The following PRDM6 variants were observed in gnomAD, a reference collection of about 807,000 sequenced individuals.
PRDM6 encodes PR/SET domain 6.
Under a neutral mutation model 60.8 loss-of-function variants are expected in PRDM6, and 25 were observed. That is an observed-to-expected ratio of 0.41 (90% confidence interval 0.30 to 0.57). The LOEUF (loss-of-function observed/expected upper bound fraction) is 0.57, where lower values mean the gene tolerates loss of function less well. Among genes scored for constraint, PRDM6 ranks in the 20% least tolerant of loss-of-function variants. The pLI is 0.27. For missense variants in PRDM6, 839 were observed against 821.3 expected, an observed-to-expected ratio of 1.02 and a Z score of -0.26; for synonymous variants, 407 against 357.4, an observed-to-expected ratio of 1.14 and a Z score of -1.57.
intron 3 of PRDM6, among the ~76,000 whole-genome samples, chr5:123,137,785 T>TA (rs1401533965): frequency 2.8e-5 from 2 of 70,530 alleles, no homozygotes; most frequent in Non-Finnish European, 6.7e-5. Context: ...ATTTAAAGTA[T>TA]AATAAAAATA....
At chr5:123,095,613 G>A (rs1763938199) in intron 2 of PRDM6, among the ~76,000 whole-genome samples, 1 of 152,254 alleles carries the variant, frequency 6.6e-6, no homozygotes, top group East Asian at 1.9e-4. Context: ...CTGCGAGACT[G>A]AGGGCCGCGA....
chr5:123,111,702 C>CAA (rs368414330), intron 3 of PRDM6, among the ~76,000 whole-genome samples: 1 of 44,156 alleles, frequency 2.3e-5, no homozygotes, highest in Non-Finnish European at 5.7e-5. Context: ...CAAAACAAAA[C>CAA]AAAACAAAAA....
intron 2 of PRDM6, among the ~76,000 whole-genome samples, chr5:123,095,605 G>T (rs1031392928): frequency 6.6e-6 from 1 of 152,242 alleles, no homozygotes; most frequent in Non-Finnish European, 1.5e-5. Context: ...GTCTCGGCCT[G>T]CGAGACTGAG....
intron 3 of PRDM6, among the ~76,000 whole-genome samples, chr5:123,130,333 C>T: frequency 8.0e-6 from 1 of 125,540 alleles, no homozygotes; most frequent in South Asian, 3.2e-4. Flanking sequence ...TCCCTCCCTC[C>T]TTCCCTTTTT....
intron 3 of PRDM6, among the ~76,000 whole-genome samples, chr5:123,101,952 T>C (rs1764114155): frequency 6.6e-6 from 1 of 152,212 alleles, no homozygotes; most frequent in Non-Finnish European, 1.5e-5. Context: ...GTGAATTTTA[T>C]CTATTGTTCA....
At chr5:123,090,837 C>T (rs887401976) in intron 2 of PRDM6, among the ~76,000 whole-genome samples, 2 of 152,184 alleles carry the variant, frequency 1.3e-5, no homozygotes, top group Non-Finnish European at 2.9e-5. Context: ...TTGGGGTTCC[C>T]TCTCCCTCCC....
chr5:123,139,008 G>C (rs1490811545), intron 3 of PRDM6, among the ~76,000 whole-genome samples: 1 of 152,170 alleles, frequency 6.6e-6, no homozygotes. Flanking sequence ...GTTCTCATGA[G>C]ATCTAATGGT....
rs148715076 is a variant in PRDM6 at position 123,153,689 on chromosome 5, A to G, written c.901-2195A>G. Among the ~76,000 whole-genome samples, 529 of 152,304 alleles carry G rather than the reference A, an allele frequency of 3.5e-3. 1 individual carries two copies. The highest frequency in any genetic ancestry group is 0.012 in the African/African-American group (505 of 41,562). ...AATTGTAGATTTCCTTGTAGTCACGATATACTTAGTTAAGATTACTGCTGA... is the reference window on the plus strand; with the variant it reads ...AATTGTAGATTTCCTTGTAGTCACGGTATACTTAGTTAAGATTACTGCTGA... On this transcript the variant is annotated intron_variant, in intron 3 of 7. Coordinates refer to ENST00000407847, the MANE Select transcript of PRDM6 (RefSeq NM_001136239.4).
chr5:123,105,518 G>T (rs906562231), intron 3 of PRDM6, among the ~76,000 whole-genome samples: 2 of 152,306 alleles, frequency 1.3e-5, no homozygotes, highest in South Asian at 2.1e-4. Flanking sequence ...ATTAAAAATT[G>T]TTGTGATTGA....
intron 7 of PRDM6, 125 bp from the exon 8 acceptor site, chr5:123,186,961 AC>A (rs1766301756): frequency 7.5e-6 from 5 of 666,948 alleles, no homozygotes; most frequent in Non-Finnish European, 1.1e-5. Flanking sequence ...CACCAATTAA[AC>A]CTCTTGAGCT....
chr5:123,156,046 G>A, intron 4 of PRDM6, 35 bp downstream of exon 4: 5 of 1,532,192 alleles, frequency 3.3e-6, no homozygotes, highest in Non-Finnish European at 4.4e-6. Context: ...CTACAGAGCT[G>A]AAGCCATTTG....
intron 3 of PRDM6, among the ~76,000 whole-genome samples, chr5:123,113,664 C>G (rs1048251738): frequency 6.6e-6 from 1 of 152,206 alleles, no homozygotes; most frequent in Non-Finnish European, 1.5e-5. Context: ...TTCTCACTAT[C>G]TGGCCTGTAC....
chr5:123,160,654 C>A (rs1458344202), intron 5 of PRDM6, among the ~76,000 whole-genome samples: 2 of 152,206 alleles, frequency 1.3e-5, no homozygotes, highest in Non-Finnish European at 2.9e-5. Context: ...TCAGATATTT[C>A]TTTCCCATTT....
At chr5:123,164,103 G>A (rs565891505) in intron 5 of PRDM6, among the ~76,000 whole-genome samples, 5 of 152,210 alleles carry the variant, frequency 3.3e-5, no homozygotes, top group Non-Finnish European at 4.4e-5. Flanking sequence ...CAGGGGAAGC[G>A]TTGTGATGGG....
At position 123,188,563 on chromosome 5, in the gene PRDM6, G is replaced by A. The variant is rs1170298625; in HGVS notation, c.*1362G>A. Reference sequence around the variant, plus strand: ...ATCTCAGCGACTGTCTACCTTGATGGCCAGTTTAGATAAAAACTGTTCAGT... The same window carrying A: ...ATCTCAGCGACTGTCTACCTTGATGACCAGTTTAGATAAAAACTGTTCAGT... On this transcript the variant is annotated 3_prime_UTR_variant, in exon 8 of 8. Coordinates refer to ENST00000407847, the MANE Select transcript of PRDM6 (RefSeq NM_001136239.4). The A allele has an allele frequency of 2.0e-5, 3 of 152,078 alleles. No homozygotes were observed. The highest frequency in any genetic ancestry group is 4.4e-5 in the Non-Finnish European group (3 of 68,018). The allele number at this position is 152,078 out of a possible 1,614,324, so 9.4% of individuals were successfully genotyped here.
intron 3 of PRDM6, among the ~76,000 whole-genome samples, chr5:123,109,434 G>A (rs1382427997): frequency 6.6e-6 from 1 of 152,052 alleles, no homozygotes; most frequent in African/African-American, 2.4e-5. Context: ...TTTGTCTCTA[G>A]TGGACTCTGC....
Position 123,188,012 on chromosome 5 carries a change from A to G in PRDM6, c.*811A>G, listed in dbSNP as rs1043168129. ...AATAACATTTTAGCTTAAAAAAAAAAAAAGAAAATGAAAATAAAGTTCTTT... is the reference window on the plus strand; with the variant it reads ...AATAACATTTTAGCTTAAAAAAAAAGAAAGAAAATGAAAATAAAGTTCTTT... On this transcript the variant is annotated 3_prime_UTR_variant, in exon 8 of 8. Coordinates refer to ENST00000407847, the MANE Select transcript of PRDM6 (RefSeq NM_001136239.4). 6.6e-6 allele frequency: 1 copy of G among 152,190 alleles called. No individual in the cohort carries two copies. The highest frequency in any genetic ancestry group is 1.5e-5 in the Non-Finnish European group (1 of 68,032). The allele number at this position is 152,190 out of a possible 1,614,324, so 9.4% of individuals were successfully genotyped here. A position where few individuals can be genotyped will look rare whatever the true frequency, so the allele number is the denominator to read the frequency against.
At chr5:123,161,237 T>C (rs459743) in intron 5 of PRDM6, among the ~76,000 whole-genome samples, 31,603 of 152,186 alleles carry the variant, frequency 0.21, 3,908 homozygotes, top group African/African-American at 0.34. Flanking sequence ...CATTTATTCA[T>C]TCATTGTTCA....
At chr5:123,154,775 T>A (rs568538160) in intron 3 of PRDM6, among the ~76,000 whole-genome samples, 1 of 152,318 alleles carries the variant, frequency 6.6e-6, no homozygotes, top group African/African-American at 2.4e-5. Context: ...GTCAGGATGC[T>A]CTGGAGAAGT....
Sources: gnomAD v4.1 joint callset for allele counts (sites outside exome capture counted in the v4.1 genomes callset) on GRCh38, gnomAD v4.1.1 for gene constraint, MANE v1.5 for transcripts, NCBI Gene and HGNC (gene_info 2026-07-23, HGNC 2026-07-21) for gene names.